PDCD1LG2: variants seen among roughly 807,000 people sequenced by gnomAD.
PDCD1LG2 encodes programmed cell death 1 ligand 2.
In PDCD1LG2, 32 loss-of-function variants were observed where a neutral mutation model predicts 28.2. That is an observed-to-expected ratio of 1.13 (90% CI 0.86 to 1.52). The LOEUF is 1.52. Ranked by LOEUF, PDCD1LG2 falls within the 40% of genes most tolerant of loss-of-function variation. The pLI is 0.00. For missense variants in PDCD1LG2, 385 were observed against 323.8 expected (o/e 1.19, Z -1.45); for synonymous variants, 116 against 120.2 (o/e 0.97, Z 0.23).
chr9:5,563,129 T>A, intron 5 of PDCD1LG2, 33 bp from the exon 6 acceptor site: 2 of 1,530,668 alleles, frequency 1.3e-6, no homozygotes, highest in Middle Eastern at 1.7e-4. Context: ...TTCTCATTAA[T>A]CTTATTCCAT....
intron 1 of PDCD1LG2, among the ~76,000 whole-genome samples, chr9:5,518,048 GC>G (rs2129702833): frequency 6.6e-6 from 1 of 152,366 alleles, no homozygotes; most frequent in Non-Finnish European, 1.5e-5. Flanking sequence ...TAGGGGATGG[GC>G]CATATTTGCA....
chr9:5,525,778 G>A (rs987589368), intron 2 of PDCD1LG2, among the ~76,000 whole-genome samples: 1 of 152,152 alleles, frequency 6.6e-6, no homozygotes, highest in African/African-American at 2.4e-5. Flanking sequence ...GCCGGGCATG[G>A]TGGCTCACGC....
Position 5,570,087 on chromosome 9 carries a change from A to T in PDCD1LG2, c.*128A>T. 1 of 1,187,744 alleles carries T rather than the reference A, an allele frequency of 8.4e-7. No homozygotes were observed. The highest frequency in any genetic ancestry group is 1.2e-6 in the Non-Finnish European group (1 of 805,122). The allele number at this position is 1,187,744 out of a possible 1,614,324, so 73.6% of individuals were successfully genotyped here. On this transcript the variant is annotated 3_prime_UTR_variant, in exon 7 of 7. Coordinates refer to ENST00000397747, the MANE Select transcript of PDCD1LG2 (RefSeq NM_025239.4). ...TTCAAATGCCTTTGGATGACCCAGCACTTTAATCTGAAACCTGCAACAAGA... is the reference window on the plus strand; with the variant it reads ...TTCAAATGCCTTTGGATGACCCAGCTCTTTAATCTGAAACCTGCAACAAGA...
In PDCD1LG2 at chr9:5,561,955, T is replaced by C. The variant is rs544921598; in HGVS notation, c.767-1207T>C. ...AAGAGCAATTCCTATGGGTTAACCA[T>C]TGGGCTCCTTTCAAATGCAAACCCT... On this transcript the variant is annotated intron_variant, in intron 5 of 6. Transcript: ENST00000397747. Among the ~76,000 whole-genome samples the C allele has an allele frequency of 4.1e-4, 63 of 152,304 alleles. No individual in the cohort carries two copies. In the Middle Eastern group the frequency reaches 0.01, roughly 25 times the overall value.
intron 4 of PDCD1LG2, among the ~76,000 whole-genome samples, chr9:5,550,098 G>C (rs1816299571): frequency 6.6e-6 from 1 of 152,184 alleles, no homozygotes; most frequent in South Asian, 2.1e-4. Flanking sequence ...AAAATATCTA[G>C]TACAATAGCT....
intron 6 of PDCD1LG2, among the ~76,000 whole-genome samples, chr9:5,567,545 C>T (rs1816690009): frequency 1.3e-5 from 2 of 152,210 alleles, no homozygotes; most frequent in Admixed American, 1.3e-4. Context: ...TTATTACAGT[C>T]ATCAAGCCTT....
At chr9:5,514,916 A>C (rs894680406) in intron 1 of PDCD1LG2, among the ~76,000 whole-genome samples, 5 of 152,136 alleles carry the variant, frequency 3.3e-5, no homozygotes, top group African/African-American at 1.2e-4. Flanking sequence ...TTTATGAAGG[A>C]GGTAGCCCTG....
chr9:5,529,157 T>A (rs1820435608), intron 2 of PDCD1LG2, among the ~76,000 whole-genome samples: 1 of 152,272 alleles, frequency 6.6e-6, no homozygotes, highest in South Asian at 2.1e-4. Context: ...TTAATTTTGA[T>A]GAAGTTTGAT....
intron 4 of PDCD1LG2, among the ~76,000 whole-genome samples, chr9:5,556,035 G>A (rs1023546159): frequency 1.2e-4 from 18 of 152,346 alleles, no homozygotes; most frequent in African/African-American, 2.9e-4. Context: ...CACTTTTCAT[G>A]TAGCTGTTGC....
intron 5 of PDCD1LG2, among the ~76,000 whole-genome samples, chr9:5,560,089 C>T (rs894240006): frequency 6.6e-6 from 1 of 152,198 alleles, no homozygotes; most frequent in Non-Finnish European, 1.5e-5. Flanking sequence ...CATTAAATCC[C>T]CTTATTATAT....
chr9:5,512,798 C>A (rs1021478442), intron 1 of PDCD1LG2, among the ~76,000 whole-genome samples: 20 of 152,184 alleles, frequency 1.3e-4, no homozygotes, highest in African/African-American at 4.8e-4. Flanking sequence ...TCTTCTATTT[C>A]TCCCTGCCAC....
At chr9:5,539,000 C>G (rs1220723991) in intron 3 of PDCD1LG2, among the ~76,000 whole-genome samples, 1 of 151,852 alleles carries the variant, frequency 6.6e-6, no homozygotes, top group Non-Finnish European at 1.5e-5. Context: ...CCCCTTCTGG[C>G]TATTTGAAGC....
intron 4 of PDCD1LG2, 103 bp from the exon 5 acceptor site, chr9:5,557,515 C>A: frequency 1.5e-6 from 2 of 1,369,906 alleles, no homozygotes; most frequent in Non-Finnish European, 2.0e-6. Context: ...GTAAATGCTC[C>A]ACAGAGCTAG....
chr9:5,537,807 C>A (rs1407659796), intron 3 of PDCD1LG2, among the ~76,000 whole-genome samples: 1 of 151,900 alleles, frequency 6.6e-6, no homozygotes, highest in East Asian at 1.9e-4. Context: ...TGCAGCACAC[C>A]AATATGGCAC....
intron 2 of PDCD1LG2, among the ~76,000 whole-genome samples, chr9:5,523,033 T>C (rs1820307029): frequency 6.6e-6 from 1 of 152,198 alleles, no homozygotes; most frequent in Non-Finnish European, 1.5e-5. Context: ...ACATTCTGCA[T>C]ATTATTAGTT....
chr9:5,545,832 C>T (rs927596244), intron 3 of PDCD1LG2, among the ~76,000 whole-genome samples: 7 of 152,132 alleles, frequency 4.6e-5, no homozygotes, highest in Non-Finnish European at 7.3e-5. Flanking sequence ...TGTTTTCAAG[C>T]GTATGTGGAA....
At chr9:5,514,277 G>A (rs1297310151) in intron 1 of PDCD1LG2, among the ~76,000 whole-genome samples, 2 of 152,120 alleles carry the variant, frequency 1.3e-5, no homozygotes, top group Non-Finnish European at 2.9e-5. Flanking sequence ...CCAAGTAAAT[G>A]TTTTGAATAA....
At chr9:5,556,848 C>A (rs1268114193) in intron 4 of PDCD1LG2, among the ~76,000 whole-genome samples, 1 of 152,158 alleles carries the variant, frequency 6.6e-6, no homozygotes, top group African/African-American at 2.4e-5. Flanking sequence ...CAGTCTGGAG[C>A]CCTTGTTCTA....
intron 1 of PDCD1LG2, among the ~76,000 whole-genome samples, chr9:5,512,786 C>A (rs16923198): frequency 0.18 from 28,089 of 152,054 alleles, 2,886 homozygotes; most frequent in Admixed American, 0.28. Flanking sequence ...ATCAGCTCCC[C>A]ATCTTCTATT....
Sources: allele counts gnomAD v4.1 joint callset (sites outside exome capture counted in the v4.1 genomes callset), GRCh38; gene constraint gnomAD v4.1.1; transcripts MANE v1.5; gene names NCBI Gene and HGNC (gene_info 2026-07-23, HGNC 2026-07-21).